The following HGF variants were observed in gnomAD, a reference collection of about 807,000 sequenced individuals.
HGF encodes the protein fibroblast-derived tumor cytotoxic factor.
A neutral mutation model predicts 111.6 loss-of-function variants in HGF; 39 were observed. The ratio of observed to expected loss-of-function variants is 0.35; its 90% CI spans 0.27 to 0.46. HGF has a LOEUF of 0.46. HGF is among the 20% of genes least tolerant of loss of function. HGF has a pLI of 1.00. For missense variants in HGF, 735 were observed against 910.5 expected, an observed-to-expected ratio of 0.81 and a Z score of 2.48; for synonymous variants, 285 against 294.8, an observed-to-expected ratio of 0.97 and a Z score of 0.34.
intron 7 of HGF, among the ~76,000 whole-genome samples, chr7:81,732,714 T>C (rs566204964): frequency 6.6e-6 from 1 of 152,194 alleles, no homozygotes; most frequent in South Asian, 2.1e-4. Context: ...AATGAGCAAC[T>C]ATAAGCAATC....
chr7:81,702,384 C>G lies in HGF; in HGVS notation c.*197G>C. 3.5e-6 allele frequency: 2 copies of G among 566,190 alleles called. No individual in the cohort carries two copies. Among genetic ancestry groups the G allele is most frequent in the East Asian group, 2.9e-5 (1 of 34,370 alleles). 35.1% of individuals were successfully genotyped at this position (566,190 alleles called of 1,614,324 possible). A position where few individuals can be genotyped will look rare whatever the true frequency, so the allele number is the denominator to read the frequency against. On this transcript the variant is annotated 3_prime_UTR_variant, in exon 18 of 18. Transcript: ENST00000222390. Reference sequence around the variant, plus strand: ...TTACACTTGCATGTACCTTAATTCACTTCAACATTGACAAAATAACACTGA... The same window carrying G: ...TTACACTTGCATGTACCTTAATTCAGTTCAACATTGACAAAATAACACTGA...
At chr7:81,755,984 T>C (rs1277589590) in intron 4 of HGF, 2 of 701,538 alleles carry the variant, frequency 2.9e-6, no homozygotes, top group Middle Eastern at 2.3e-4. Context: ...TGTTTCCTAA[T>C]GAAGAATCAT....
At chr7:81,712,171 A>T (rs2115810325) in intron 11 of HGF, among the ~76,000 whole-genome samples, 1 of 152,262 alleles carries the variant, frequency 6.6e-6, no homozygotes, top group Middle Eastern at 3.4e-3. Context: ...ATCCACCAAG[A>T]TGTCCAACAT....
At chr7:81,756,055 T>C in intron 4 of HGF, 1 of 701,772 alleles carries the variant, frequency 1.4e-6, no homozygotes, top group Non-Finnish European at 2.6e-6. Context: ...AAGGCAGTCA[T>C]CACCACCACT....
At chr7:81,745,450 G>A (rs1332947448) in intron 5 of HGF, among the ~76,000 whole-genome samples, 1 of 152,130 alleles carries the variant, frequency 6.6e-6, no homozygotes, top group Non-Finnish European at 1.5e-5. Flanking sequence ...AATTTTTCCC[G>A]TGTTGGTCTA....
intron 5 of HGF, chr7:81,751,007 G>A: frequency 2.0e-6 from 2 of 980,472 alleles, no homozygotes; most frequent in African/African-American, 3.5e-5. Flanking sequence ...AACAGAGATG[G>A]AACTGGCTGT....
In HGF at chr7:81,757,179, C is replaced by G. The variant is rs2116177223; in HGVS notation, c.482+10G>C. 1 of 1,333,726 alleles carries G rather than the reference C, an allele frequency of 7.5e-7. No individual in the cohort carries two copies. The highest frequency in any genetic ancestry group is 1.1e-6 in the Non-Finnish European group (1 of 924,002). 82.6% of individuals were successfully genotyped at this position (1,333,726 alleles called of 1,614,324 possible). On this transcript the variant is annotated intron_variant, in intron 4 of 17. Transcript: ENST00000222390. ...AGAGGCTTCATCTCTTTTCTTCATACTGTTCTTACCTGTGTTCGTGTGGTA... is the reference window on the plus strand; with the variant it reads ...AGAGGCTTCATCTCTTTTCTTCATAGTGTTCTTACCTGTGTTCGTGTGGTA...
At position 81,744,990 on chromosome 7, in the gene HGF, AAT is replaced by A; in HGVS notation, c.746+8_746+9del. The A allele has an allele frequency of 6.2e-7, 1 of 1,613,666 alleles. No individual in the cohort carries two copies. Among genetic ancestry groups the A allele is most frequent in the South Asian group, 1.1e-5 (1 of 91,078 alleles). On this transcript the variant is annotated splice_region_variant and intron_variant, in intron 6 of 17. Transcript: ENST00000222390. ...AGAATCACTGAAAGCATGATTCATTAATATTTTACCTTTCAGGCAAGAATTTG... is the reference window on the plus strand; with the variant it reads ...AGAATCACTGAAAGCATGATTCATTAATTTTACCTTTCAGGCAAGAATTTG...
intron 10 of HGF, among the ~76,000 whole-genome samples, chr7:81,719,381 G>A (rs1396418282): frequency 1.3e-5 from 2 of 152,040 alleles, no homozygotes; most frequent in Admixed American, 6.6e-5. Context: ...AGATCTATAA[G>A]GACAGAAGTC....
At chr7:81,704,326 CT>C (rs1789366006) in intron 17 of HGF, among the ~76,000 whole-genome samples, 1 of 151,612 alleles carries the variant, frequency 6.6e-6, no homozygotes, top group Non-Finnish European at 1.5e-5. Context: ...ATTAGATGAT[CT>C]GTAAGGTTGG....
chr7:81,739,162 C>T (rs570266686), intron 7 of HGF, among the ~76,000 whole-genome samples: 1 of 152,250 alleles, frequency 6.6e-6, no homozygotes, highest in East Asian at 1.9e-4. Context: ...TTCTCTCTCC[C>T]TATCCCATTT....
rs1048485875 is a variant in HGF, at chr7:81,745,015, T to G, written c.731A>C (p.Lys244Thr). The G allele has an allele frequency of 1.2e-6, 2 of 1,614,072 alleles. No individual in the cohort carries two copies. The highest frequency in any genetic ancestry group is 1.7e-6 in the Non-Finnish European group (2 of 1,179,982). ...AATATTTTACCTTTCAGGCAAGAAT[T>G]TGTGCCGGTGTGGTGTCTGATGATC... is the stretch of plus-strand genomic sequence containing the variant. Reference protein sequence around the residue: ...RWDHQTPHRHKFLPERYPDKG... With the variant: ...RWDHQTPHRHTFLPERYPDKG... Residue 244 changes from lysine (K) to threonine (T), a missense_variant, in exon 6 of 18, where the codon AAA (lysine) becomes ACA (threonine). Around this residue, in one of 3 missense-constraint regions of HGF, gnomAD observed 553 missense variants for 685.6 expected, o/e 0.81. Transcript: ENST00000222390.
rs1385339890 is a variant in HGF at position 81,735,515 on chromosome 7, A to G, written c.866-5736T>C. On this transcript the variant is annotated intron_variant, in intron 7 of 17. Transcript: ENST00000222390. ...AGAAACAATCAGCTTTGTCTAAGAA[A>G]GAAAATAATTTGTAAAAATTATTTT... Among the ~76,000 whole-genome samples the G allele has an allele frequency of 2.0e-5, 3 of 152,146 alleles. No individual in the cohort carries two copies. In the East Asian group the frequency reaches 5.8e-4, roughly 29 times the overall value.
chr7:81,714,303 T>G (rs981249860), intron 11 of HGF, among the ~76,000 whole-genome samples: 2 of 152,140 alleles, frequency 1.3e-5, no homozygotes, highest in African/African-American at 4.8e-5. Context: ...ACATAGTATG[T>G]TATATATGGC....
chr7:81,729,608 C>T lies in HGF; in HGVS notation c.1037G>A (p.Cys346Tyr), dbSNP rs766585116. ...EHDMTPENFK[C>Y]KDLRENYCRN... The stretch of plus-strand genomic sequence containing the variant: ...AACATTTGCCTACTTTACTCACTTG[C>T]ACTTGAAATTTTCAGGAGTCATGTC... The change falls in exon 8 of 18, where the codon TGC (cysteine) becomes TAC (tyrosine). Residue 346 changes from cysteine to tyrosine, a missense_variant. Physicochemically the swap from Cys to Tyr is radical, Grantham distance 194. Around this residue, in one of 3 missense-constraint regions of HGF, gnomAD observed 553 missense variants for 685.6 expected, o/e 0.81. Coordinates refer to ENST00000222390, the MANE Select transcript of HGF (RefSeq NM_000601.6). 1 of 1,611,706 alleles carries T rather than the reference C, an allele frequency of 6.2e-7. No individual in the cohort carries two copies. The highest frequency in any genetic ancestry group is 1.7e-5 in the Admixed American group (1 of 60,012).
chr7:81,752,962 A>C (rs1402770304), intron 4 of HGF, among the ~76,000 whole-genome samples: 1 of 151,982 alleles, frequency 6.6e-6, no homozygotes, highest in African/African-American at 2.4e-5. Flanking sequence ...AACAAATGCT[A>C]CCTCTTATTA....
rs1277268424 is a variant in HGF at position 81,713,979 on chromosome 7, GGT to G, written c.1406-2462_1406-2461del. ...AAAGTTTTACCTACGGAAGGGTAGG[GGT>G]GTGTGTGCGTGTGTGTGTGTGTGTG... On this transcript the variant is annotated intron_variant, in intron 11 of 17. Coordinates refer to ENST00000222390, the MANE Select transcript of HGF (RefSeq NM_000601.6). Among the ~76,000 whole-genome samples, 538 of 131,552 alleles carry G rather than the reference GGT, an allele frequency of 4.1e-3. 2 individuals are homozygous for G. The highest frequency in any genetic ancestry group is 0.015 in the South Asian group (57 of 3,822). The allele number at this position is 131,552 out of a possible 152,430, so 86.3% of individuals were successfully genotyped here.
rs746110664 is a variant in HGF, at chr7:81,705,502, T to C, written c.1898A>G (p.His633Arg). 2.5e-5 allele frequency: 40 copies of C among 1,612,604 alleles called. No homozygotes were observed. The highest frequency in any genetic ancestry group is 1.9e-4 in the South Asian group (17 of 91,064). ...INYDGLLRVA[H>R]LYIMGNEKCS... ...TTTCTCATTTCCCATTATATAGAGA[T>C]GTGCCACTCGTAATAGGCCATCATA... The change falls in exon 17 of 18, where the codon CAT (histidine) becomes CGT (arginine). Residue 633 changes from histidine (H) to arginine (R), a missense_variant. His to Arg is a conservative substitution (Grantham distance 29). This residue lies in a region of HGF where 130 missense variants were observed against 129.9 expected (regional missense o/e 1.00). Transcript: ENST00000222390.
intron 9 of HGF, among the ~76,000 whole-genome samples, chr7:81,723,241 A>G (rs1186936369): frequency 6.6e-6 from 1 of 152,216 alleles, no homozygotes; most frequent in Non-Finnish European, 1.5e-5. Context: ...AGTAGAAAGT[A>G]GAAATGGAAT....
Sources: allele counts gnomAD v4.1 joint callset (sites outside exome capture counted in the v4.1 genomes callset), GRCh38; gene constraint gnomAD v4.1.1; regional missense constraint gnomAD v4.1.1; transcripts MANE v1.5; gene names NCBI Gene and HGNC (gene_info 2026-07-23, HGNC 2026-07-21).